The following TRANK1 variants were observed in gnomAD, a reference collection of about 807,000 sequenced individuals.
TRANK1 encodes the protein tetratricopeptide repeat and ankyrin repeat containing 1.
Under a neutral mutation model 266.0 loss-of-function variants are expected in TRANK1, and 198 were observed. The observed-to-expected ratio is 0.74, with a 90% CI of 0.66 to 0.84. TRANK1 has a LOEUF of 0.84. TRANK1 is among the 40% of genes least tolerant of loss of function. The pLI is 0.00. For synonymous variants in TRANK1, 1,396 were observed against 1,384.1 expected, an observed-to-expected ratio of 1.01 and a Z score of -0.19; for missense variants, 3,326 against 3,634.6, an observed-to-expected ratio of 0.92 and a Z score of 2.18.
chr3:36,841,196 A>G (rs2078838958), intron 18 of TRANK1, among the ~76,000 whole-genome samples: 1 of 152,222 alleles, frequency 6.6e-6, no homozygotes, highest in South Asian at 2.1e-4. Context: ...TCATTAGAGA[A>G]GCAGGACAAG....
At chr3:36,847,459 C>A in intron 15 of TRANK1, 113 bp from the exon 16 acceptor site, 1 of 1,122,032 alleles carries the variant, frequency 8.9e-7, no homozygotes, top group Non-Finnish European at 1.3e-6. Context: ...GCCTTCAACC[C>A]CAACTTTGAG....
chr3:36,938,051 A>C (rs1366632772), intron 1 of TRANK1, among the ~76,000 whole-genome samples: 1 of 152,124 alleles, frequency 6.6e-6, no homozygotes, highest in Admixed American at 6.6e-5. Flanking sequence ...CCCAGCAGAG[A>C]GGTGAAAACA....
Position 36,861,268 on chromosome 3 carries a change from A to T in TRANK1, c.1241-108T>A. On this transcript the variant is annotated intron_variant, in intron 10 of 23. Transcript: ENST00000645898. ...TATAATTAACACGGATTATATAAAC[A>T]AGTAGTTGATTATTTGGGCCATGTT... is the stretch of plus-strand genomic sequence containing the variant. 3 of 1,341,654 alleles carry T rather than the reference A, an allele frequency of 2.2e-6. No homozygotes were observed. The South Asian group carries it at 4.5e-5, about 20-fold the overall frequency. The allele number at this position is 1,341,654 out of a possible 1,614,324, so 83.1% of individuals were successfully genotyped here.
At chr3:36,846,531 C>T in intron 16 of TRANK1, 127 bp from the exon 17 acceptor site, 2 of 892,056 alleles carry the variant, frequency 2.2e-6, no homozygotes, top group East Asian at 5.4e-5. Flanking sequence ...CATAGCACAG[C>T]TGAGAACAGG....
chr3:36,845,698 C>T (rs750445506), intron 17 of TRANK1, among the ~76,000 whole-genome samples: 43 of 152,164 alleles, frequency 2.8e-4, no homozygotes, highest in Non-Finnish European at 5.7e-4. Flanking sequence ...AAATGACAAT[C>T]CACATCCTTT....
intron 8 of TRANK1, chr3:36,880,284 G>C: frequency 2.7e-6 from 1 of 369,622 alleles, no homozygotes; most frequent in South Asian, 2.4e-5. Context: ...CATCAAGTTG[G>C]CCCCATTTGA....
intron 3 of TRANK1, among the ~76,000 whole-genome samples, chr3:36,901,280 A>G (rs908714461): frequency 6.6e-6 from 1 of 152,156 alleles, no homozygotes; most frequent in Non-Finnish European, 1.5e-5. Flanking sequence ...AGAAATGAGG[A>G]CTGCCATAAA....
At chr3:36,881,160 T>C (rs1033925893) in intron 8 of TRANK1, among the ~76,000 whole-genome samples, 3 of 151,992 alleles carry the variant, frequency 2.0e-5, no homozygotes, top group African/African-American at 7.3e-5. Context: ...TCTTTTAAAG[T>C]GTATTATTTG....
At position 36,857,224 on chromosome 3, in the gene TRANK1, G is replaced by A. The variant is rs370128892; in HGVS notation, c.2498C>T (p.Thr833Ile). 6.2e-7 allele frequency: 1 copy of A among 1,613,788 alleles called. No individual in the cohort carries two copies. Among genetic ancestry groups the A allele is most frequent in the South Asian group, 1.1e-5 (1 of 91,064 alleles). ...EACLQDFDNMTWEIECTSEML... is the reference protein window; with the variant it reads ...EACLQDFDNMIWEIECTSEML... Reference sequence around the variant, plus strand: ...TTCTGAAGTGCACTCGATCTCCCAGGTCATGTTATCGAAGTCCTGGAGGCA... The same window carrying A: ...TTCTGAAGTGCACTCGATCTCCCAGATCATGTTATCGAAGTCCTGGAGGCA... Residue 833 changes from threonine to isoleucine, a missense_variant, in exon 13 of 24, where the codon ACC becomes ATC. By Grantham distance (89) the Thr-to-Ile change is moderately conservative. Transcript: ENST00000645898. The surrounding 1 kb of genome is among the most constrained non-coding windows in gnomAD (Gnocchi z 4.3).
intron 1 of TRANK1, among the ~76,000 whole-genome samples, chr3:36,919,202 G>A (rs931716664): frequency 2.0e-5 from 3 of 152,046 alleles, no homozygotes; most frequent in Non-Finnish European, 2.9e-5. Flanking sequence ...ACTACTCTTC[G>A]GTGTTCAGCT....
At chr3:36,886,216 C>T (rs1419588755) in intron 8 of TRANK1, among the ~76,000 whole-genome samples, 1 of 147,336 alleles carries the variant, frequency 6.8e-6, no homozygotes, top group Non-Finnish European at 1.5e-5. Context: ...CTCACTTCAA[C>T]CTCCGCCTCC....
At chr3:36,906,811 T>A (rs752424772) in intron 2 of TRANK1, among the ~76,000 whole-genome samples, 48 of 152,294 alleles carry the variant, frequency 3.2e-4, no homozygotes, top group Non-Finnish European at 5.3e-4. Context: ...TTTAGCCCCA[T>A]TAGACTCATT....
chr3:36,885,503 G>A (rs1279014800), intron 8 of TRANK1, among the ~76,000 whole-genome samples: 3 of 152,188 alleles, frequency 2.0e-5, no homozygotes, highest in African/African-American at 4.8e-5. Flanking sequence ...GAAAAGGTAC[G>A]TTAGTGAAAA....
intron 2 of TRANK1, among the ~76,000 whole-genome samples, chr3:36,904,047 C>T (rs1416594770): frequency 1.3e-5 from 2 of 151,938 alleles, no homozygotes; most frequent in Non-Finnish European, 2.9e-5. Flanking sequence ...CAACCTCCAC[C>T]TCCTGGGTTC....
chr3:36,844,540 T>A (rs1207230149), intron 17 of TRANK1, among the ~76,000 whole-genome samples: 1 of 152,146 alleles, frequency 6.6e-6, no homozygotes, highest in Admixed American at 6.5e-5. Flanking sequence ...TGATCTCTTA[T>A]AGTGGATGCC....
chr3:36,852,002 T>C (rs1390209290), intron 14 of TRANK1, 144 bp downstream of exon 14: 7 of 1,371,148 alleles, frequency 5.1e-6, no homozygotes, highest in Non-Finnish European at 6.8e-6. Context: ...TTGAAACACT[T>C]GGTCACTCAG....
intron 1 of TRANK1, among the ~76,000 whole-genome samples, chr3:36,918,540 A>G (rs1332418458): frequency 1.9e-5 from 1 of 52,800 alleles, no homozygotes; most frequent in African/African-American, 7.3e-5. Context: ...AGAAGGAAGG[A>G]AGGAAGGAAG....
intron 8 of TRANK1, among the ~76,000 whole-genome samples, chr3:36,886,051 C>T (rs905862690): frequency 6.6e-6 from 1 of 150,854 alleles, no homozygotes; most frequent in African/African-American, 2.4e-5. Flanking sequence ...AAGCCTCATT[C>T]GTTGGAGGTC....
intron 20 of TRANK1, among the ~76,000 whole-genome samples, chr3:36,837,727 GCAGA>G (rs2078789293): frequency 6.6e-6 from 1 of 152,184 alleles, no homozygotes; most frequent in South Asian, 2.1e-4. Flanking sequence ...TAATCTTGCT[GCAGA>G]CAAATAATAG....
Sources: gnomAD v4.1 joint callset for allele counts (sites outside exome capture counted in the v4.1 genomes callset) on GRCh38, gnomAD v4.1.1 for gene constraint, Gnocchi (gnomAD v3.1) non-coding constraint, MANE v1.5 for transcripts, NCBI Gene and HGNC (gene_info 2026-07-23, HGNC 2026-07-21) for gene names.